Variants in GLI3 observed in about 807,000 individuals in gnomAD.
GLI3 encodes the protein GLI family zinc finger 3, also known as transcription activator GLI3.
A neutral mutation model predicts 100.8 loss-of-function variants in GLI3; 20 were observed. That is an observed-to-expected ratio of 0.20 (90% CI 0.14 to 0.29). The LOEUF (loss-of-function observed/expected upper bound fraction) is 0.29, where lower values mean the gene tolerates loss of function less well. GLI3 is among the 10% of genes least tolerant of loss of function. The pLI is 1.00. For missense variants in GLI3, 2,040 were observed against 2,128.5 expected (o/e 0.96, Z 0.82); for synonymous variants, 938 against 860.5 (o/e 1.09, Z -1.58).
chr7:42,048,769 A>G, intron 4 of GLI3, 73 bp from the exon 5 acceptor site: 1 of 992,296 alleles, frequency 1.0e-6, no homozygotes, highest in Non-Finnish European at 1.6e-6. Flanking sequence ...GCTGTCTCTG[A>G]AAGAAAATAA....
intron 2 of GLI3, among the ~76,000 whole-genome samples, chr7:42,189,071 G>T (rs1030113011): frequency 2.0e-5 from 3 of 152,128 alleles, no homozygotes; most frequent in Non-Finnish European, 4.4e-5. Flanking sequence ...TGTTGACAGT[G>T]GGGGAGGTTG....
chr7:41,993,534 T>C (rs987568324), intron 10 of GLI3, among the ~76,000 whole-genome samples: 12 of 152,172 alleles, frequency 7.9e-5, no homozygotes, highest in Non-Finnish European at 1.6e-4. Flanking sequence ...TGACTGACAT[T>C]GTTTAATATT....
intron 3 of GLI3, among the ~76,000 whole-genome samples, chr7:42,111,639 A>G (rs1157838731): frequency 6.6e-6 from 1 of 152,208 alleles, no homozygotes; most frequent in Non-Finnish European, 1.5e-5. Flanking sequence ...CAAATAGCCA[A>G]TATCAGGTGC....
rs947213151 is a variant in GLI3 at position 42,002,068 on chromosome 7, ACACACACACG to A, written c.1497+21390_1497+21399del. On this transcript the variant is annotated intron_variant, in intron 10 of 14. Coordinates refer to ENST00000395925, the MANE Select transcript of GLI3 (RefSeq NM_000168.6). ...AAAACATGGCAAGACACACACACAC[ACACACACACG>A]CACACACACACACGTGTGCAAATAA... Among the ~76,000 whole-genome samples, 8 of 38,242 alleles carry A rather than the reference ACACACACACG, an allele frequency of 2.1e-4. No individual in the cohort carries two copies. The African/African-American group carries it at 2.9e-3, about 14-fold the overall frequency. 25.1% of individuals were successfully genotyped at this position (38,242 alleles called of 152,430 possible). A position where few individuals can be genotyped will look rare whatever the true frequency, so the allele number is the denominator to read the frequency against.
chr7:42,014,828 G>A (rs1349385565), intron 10 of GLI3, among the ~76,000 whole-genome samples: 2 of 152,132 alleles, frequency 1.3e-5, no homozygotes, highest in African/African-American at 4.8e-5. Flanking sequence ...GCCACCAGGT[G>A]GTGACGATGG....
chr7:42,051,111 A>G (rs1784343595), intron 4 of GLI3, among the ~76,000 whole-genome samples: 1 of 152,216 alleles, frequency 6.6e-6, no homozygotes, highest in Admixed American at 6.5e-5. Context: ...ACCTGGTCAT[A>G]TCTTCTCTGG....
At chr7:42,240,610 TTGTCTC>T (rs915361305), upstream of GLI3, among the ~76,000 whole-genome samples, 2 of 152,160 alleles carry the variant, frequency 1.3e-5, no homozygotes, top group Non-Finnish European at 2.9e-5. Context: ...CATTCTCCCT[TTGTCTC>T]TGGCTTCTCT....
chr7:42,086,187 T>C (rs1785098018), intron 3 of GLI3, among the ~76,000 whole-genome samples: 1 of 152,196 alleles, frequency 6.6e-6, no homozygotes, highest in Non-Finnish European at 1.5e-5. Flanking sequence ...CAATGCCTTT[T>C]AGATTCACCT....
intron 10 of GLI3, among the ~76,000 whole-genome samples, chr7:41,998,466 A>C (rs1788192998): frequency 6.6e-6 from 1 of 152,200 alleles, no homozygotes; most frequent in Non-Finnish European, 1.5e-5. Flanking sequence ...TTATGCATTC[A>C]TTAATGGGAC....
In GLI3 at chr7:41,965,717, T is replaced by C; in HGVS notation, c.3356A>G (p.Asp1119Gly). The change falls in exon 15 of 15, where the codon GAC (aspartate) becomes GGC (glycine). Residue 1119 changes from aspartate to glycine, a missense_variant. This residue lies in a region of GLI3 where 1,041 missense variants were observed against 924.0 expected (regional missense o/e 1.13). Transcript: ENST00000395925. ...EQHFPSALPDDSKVPHGPGDF... is the reference protein window; with the variant it reads ...EQHFPSALPDGSKVPHGPGDF... ...ACCGGGCCCGTGGGGCACTTTGCTG[T>C]CGTCCGGGAGGGCGCTGGGGAAGTG... The C allele has an allele frequency of 6.2e-7, 1 of 1,613,688 alleles. No individual in the cohort carries two copies. Among genetic ancestry groups the C allele is most frequent in the Middle Eastern group, 1.6e-4 (1 of 6,062 alleles).
At chr7:42,127,314 T>C (rs1179297276) in intron 3 of GLI3, among the ~76,000 whole-genome samples, 2 of 152,206 alleles carry the variant, frequency 1.3e-5, no homozygotes, top group Non-Finnish European at 2.9e-5. Context: ...CACAGCCCAT[T>C]ACACATTTTT....
rs1787404324 is a variant in GLI3 at position 41,972,938 on chromosome 7, A to C, written c.1813-311T>G. Among the ~76,000 whole-genome samples, 3 of 152,128 alleles carry C rather than the reference A, an allele frequency of 2.0e-5. No individual in the cohort carries two copies. Among genetic ancestry groups the C allele is most frequent in the Non-Finnish European group, 4.4e-5 (3 of 68,014 alleles). On this transcript the variant is annotated intron_variant, in intron 12 of 14. Transcript: ENST00000395925. This position sits in a 1 kb window ranked among gnomAD's most constrained non-coding sequence, Gnocchi z 4.4. ...TGAGTGAGAAGTATCACGGTGCCAT[A>C]ATAGGCACTCAATAGATATTTGATG...
At chr7:42,260,351 A>G (rs1315107639) in intron 1 of GLI3, among the ~76,000 whole-genome samples, 2 of 152,222 alleles carry the variant, frequency 1.3e-5, no homozygotes, top group African/African-American at 4.8e-5. Flanking sequence ...GTAAGAGTCC[A>G]TTTATTATTT....
intron 2 of GLI3, among the ~76,000 whole-genome samples, chr7:42,182,692 G>GTGTATATATA (rs1562775956): frequency 3.2e-5 from 3 of 93,208 alleles, no homozygotes; most frequent in Non-Finnish European, 5.9e-5. Context: ...ACACATGTGT[G>GTGTATATATA]TATATATATA....
At chr7:42,196,391 G>T (rs1787928707) in intron 2 of GLI3, among the ~76,000 whole-genome samples, 1 of 152,130 alleles carries the variant, frequency 6.6e-6, no homozygotes, top group African/African-American at 2.4e-5. Context: ...CAGCTTTACA[G>T]GAGACTAAAT....
chr7:41,967,046 G>T (rs2128706590), intron 14 of GLI3, among the ~76,000 whole-genome samples: 1 of 152,342 alleles, frequency 6.6e-6, no homozygotes, highest in Admixed American at 6.5e-5. Flanking sequence ...CCAGGCAAAG[G>T]TACTCCACGA....
At chr7:42,154,933 G>C (rs1293904957) in intron 2 of GLI3, among the ~76,000 whole-genome samples, 3 of 152,306 alleles carry the variant, frequency 2.0e-5, no homozygotes, top group South Asian at 4.1e-4. Flanking sequence ...GGATGACAGA[G>C]GGAGGGGCCC....
intron 7 of GLI3, among the ~76,000 whole-genome samples, chr7:42,035,543 T>G (rs1362250104): frequency 1.3e-5 from 2 of 152,220 alleles, no homozygotes; most frequent in African/African-American, 2.4e-5. Context: ...TCTTTCCTGG[T>G]CACACCAGAA....
chr7:42,024,366 T>C (rs1052180922), intron 9 of GLI3, among the ~76,000 whole-genome samples: 1 of 152,184 alleles, frequency 6.6e-6, no homozygotes, highest in African/African-American at 2.4e-5. Flanking sequence ...TATGCAGGCA[T>C]TGAAGTGTAA....
Sources: allele counts gnomAD v4.1 joint callset (sites outside exome capture counted in the v4.1 genomes callset), GRCh38; gene constraint gnomAD v4.1.1; regional missense constraint gnomAD v4.1.1; non-coding constraint Gnocchi (gnomAD v3.1); transcripts MANE v1.5; gene names NCBI Gene and HGNC (gene_info 2026-07-23, HGNC 2026-07-21).